RAF1: variants seen among roughly 807,000 people sequenced by gnomAD.
The protein encoded by RAF1 is RAF proto-oncogene serine/threonine-protein kinase.
A neutral mutation model predicts 81.1 loss-of-function variants in RAF1; 27 were observed. The ratio of observed to expected loss-of-function variants is 0.33; its 90% CI spans 0.25 to 0.46. The LOEUF (loss-of-function observed/expected upper bound fraction) is 0.46, where lower values mean the gene tolerates loss of function less well. Among genes scored for constraint, RAF1 ranks in the 20% least tolerant of loss-of-function variants. The pLI is 1.00. For synonymous variants in RAF1, 298 were observed against 294.0 expected (o/e 1.01, Z -0.14); for missense variants, 598 against 826.0 (o/e 0.72, Z 3.38).
chr3:12,606,197 T>C lies in RAF1; in HGVS notation c.680+4A>G, dbSNP rs2059023041. 6.2e-7 allele frequency: 1 copy of C among 1,610,660 alleles called. No individual in the cohort carries two copies. ...TAAAAGAAAAGCTATAGGTAAAAAA[T>C]TACCTAACAGGCATCCTGGAAACAG... On this transcript the variant is annotated splice_donor_region_variant and intron_variant, in intron 6 of 17. Coordinates refer to ENST00000442415, the MANE Select transcript of RAF1 (RefSeq NM_001354689.3).
intron 1 of RAF1, among the ~76,000 whole-genome samples, chr3:12,641,278 A>C (rs1009427450): frequency 6.6e-6 from 1 of 151,942 alleles, no homozygotes; most frequent in Non-Finnish European, 1.5e-5. Context: ...TGAGTTAACT[A>C]GTTAACTGGT....
At position 12,624,876 on chromosome 3, in the gene RAF1, A is replaced by T. The variant is rs2059653656; in HGVS notation, c.-26-6129T>A. ...ACTCCAGCCTGAGCAACAAAGCAAG[A>T]CTCCAACTCAAAAAAAAAAAAAAAA... On this transcript the variant is annotated intron_variant, in intron 1 of 17. Coordinates refer to ENST00000442415, the MANE Select transcript of RAF1 (RefSeq NM_001354689.3). 3.0e-5 allele frequency among the ~76,000 whole-genome samples: 3 copies of T among 99,696 alleles called. No individual in the cohort carries two copies. The South Asian group carries it at 1.3e-3, about 43-fold the overall frequency. 65.4% of individuals were successfully genotyped at this position (99,696 alleles called of 152,430 possible).
intron 1 of RAF1, among the ~76,000 whole-genome samples, chr3:12,639,853 A>G (rs1450125455): frequency 6.6e-6 from 1 of 152,202 alleles, no homozygotes; most frequent in Non-Finnish European, 1.5e-5. Context: ...TTCTTCACAG[A>G]ATTGGAAAAA....
chr3:12,624,430 T>TA (rs1302533806), intron 1 of RAF1, among the ~76,000 whole-genome samples: 1 of 152,204 alleles, frequency 6.6e-6, no homozygotes, highest in Non-Finnish European at 1.5e-5. Context: ...TAAATGGAGA[T>TA]AATCAGAAAC....
intron 1 of RAF1, among the ~76,000 whole-genome samples, chr3:12,642,648 A>T (rs1439517486): frequency 6.7e-6 from 1 of 150,258 alleles, no homozygotes; most frequent in East Asian, 2.0e-4. Context: ...GACAGTCCAG[A>T]CAACACAGGG....
chr3:12,642,046 G>A lies in RAF1; in HGVS notation c.-27+21767C>T, dbSNP rs141482017. ...ACCTGTAATTTCAGCTTCTCGGGAC[G>A]CTGAGGCAGAAGAATTGCTTGAACC... On this transcript the variant is annotated intron_variant, in intron 1 of 17. Transcript: ENST00000442415. Among the ~76,000 whole-genome samples the A allele has an allele frequency of 2.1e-4, 32 of 152,152 alleles. 1 individual carries two copies. The East Asian group carries it at 6.2e-3, about 30-fold the overall frequency.
rs570793053 is a variant in RAF1, at chr3:12,651,652, T to TC, written c.-27+12160dup. ...CTGGGCAATAGAGCGAGACTTGGTC[T>TC]CAAAAAAAAAAAAAGATACACGAAT... On this transcript the variant is annotated intron_variant, in intron 1 of 17. Transcript: ENST00000442415. Among the ~76,000 whole-genome samples, 1,015 of 116,638 alleles carry TC rather than the reference T, an allele frequency of 8.7e-3. 6 individuals carry two copies. The highest frequency in any genetic ancestry group is 0.027 in the African/African-American group (957 of 35,378). The allele number at this position is 116,638 out of a possible 152,430, so 76.5% of individuals were successfully genotyped here.
intron 1 of RAF1, among the ~76,000 whole-genome samples, chr3:12,659,952 A>C (rs1034724091): frequency 3.3e-5 from 5 of 152,138 alleles, no homozygotes; most frequent in Non-Finnish European, 7.3e-5. Context: ...GATTTACCTG[A>C]AATTTAAATG....
intron 1 of RAF1, among the ~76,000 whole-genome samples, chr3:12,626,293 T>A (rs897633133): frequency 2.6e-5 from 4 of 151,332 alleles, no homozygotes; most frequent in Non-Finnish European, 5.9e-5. Context: ...AAATTTTTTT[T>A]AATTGTTCAT....
At chr3:12,593,631 A>C (rs1023841867) in intron 11 of RAF1, among the ~76,000 whole-genome samples, 4 of 152,066 alleles carry the variant, frequency 2.6e-5, no homozygotes, top group Non-Finnish European at 5.9e-5. Context: ...ATCTAGAAAA[A>C]TGGATCCATA....
chr3:12,611,593 C>A (rs902035988), intron 3 of RAF1, among the ~76,000 whole-genome samples: 8 of 151,996 alleles, frequency 5.3e-5, no homozygotes, highest in African/African-American at 9.7e-5. Context: ...CCAGCTACTC[C>A]GGAGGCTGAG....
chr3:12,586,870 C>G (rs1261737841), intron 14 of RAF1: 3 of 152,272 alleles, frequency 2.0e-5, no homozygotes, highest in Non-Finnish European at 4.4e-5. Context: ...CAGCCTTGCT[C>G]TGTCCCCAAG....
chr3:12,660,031 A>G (rs2060826639), intron 1 of RAF1, among the ~76,000 whole-genome samples: 1 of 152,140 alleles, frequency 6.6e-6, no homozygotes, highest in African/African-American at 2.4e-5. Flanking sequence ...TATATTTTTT[A>G]TTTCGTAAAT....
At chr3:12,650,597 T>C (rs2060492010) in intron 1 of RAF1, among the ~76,000 whole-genome samples, 1 of 152,170 alleles carries the variant, frequency 6.6e-6, no homozygotes. Flanking sequence ...AAAAAAAGAA[T>C]AAAGAGCACC....
chr3:12,646,878 T>C (rs139775137), intron 1 of RAF1, among the ~76,000 whole-genome samples: 1 of 150,534 alleles, frequency 6.6e-6, no homozygotes, highest in African/African-American at 2.4e-5. Context: ...AGAGAAAGGG[T>C]TTCAATGTGT....
chr3:12,657,562 G>A (rs954658588), intron 1 of RAF1, among the ~76,000 whole-genome samples: 2 of 151,972 alleles, frequency 1.3e-5, no homozygotes, highest in African/African-American at 2.4e-5. Flanking sequence ...ACCTGAGGTC[G>A]GGAGTTCGAG....
chr3:12,640,815 A>C (rs1041248828), intron 1 of RAF1, among the ~76,000 whole-genome samples: 4 of 152,174 alleles, frequency 2.6e-5, no homozygotes, highest in African/African-American at 9.7e-5. Context: ...CGATTCCTCA[A>C]GGATCTAGAA....
chr3:12,632,466 C>T (rs1424382191), intron 1 of RAF1, among the ~76,000 whole-genome samples: 1 of 152,014 alleles, frequency 6.6e-6, no homozygotes, highest in Non-Finnish European at 1.5e-5. Context: ...GGTTGTGCTA[C>T]TACTTCATCT....
At chr3:12,605,880 C>T (rs2059011645) in intron 6 of RAF1, among the ~76,000 whole-genome samples, 2 of 152,168 alleles carry the variant, frequency 1.3e-5, no homozygotes, top group Non-Finnish European at 2.9e-5. Flanking sequence ...TTTTAGGACC[C>T]TTTCCATTGA....
Sources: allele counts gnomAD v4.1 joint callset (sites outside exome capture counted in the v4.1 genomes callset), GRCh38; gene constraint gnomAD v4.1.1; transcripts MANE v1.5; gene names NCBI Gene and HGNC (gene_info 2026-07-23, HGNC 2026-07-21).